The following CADM2 variants were observed in gnomAD, a reference collection of about 807,000 sequenced individuals.
CADM2 encodes the protein immunoglobulin superfamily member 4D.
Under a neutral mutation model 49.8 loss-of-function variants are expected in CADM2, and 12 were observed. The ratio of observed to expected loss-of-function variants is 0.24; its 90% CI spans 0.15 to 0.39. The LOEUF (loss-of-function observed/expected upper bound fraction) is 0.39, where lower values mean the gene tolerates loss of function less well. Ranked by LOEUF, CADM2 falls within the 10% of genes least tolerant of loss-of-function variation. The pLI is 1.00. For synonymous variants in CADM2, 214 were observed against 175.4 expected, an observed-to-expected ratio of 1.22 and a Z score of -1.74; for missense variants, 378 against 492.3, an observed-to-expected ratio of 0.77 and a Z score of 2.20.
intron 1 of CADM2, among the ~76,000 whole-genome samples, chr3:85,151,269 C>T (rs766465523): frequency 1.4e-4 from 22 of 152,012 alleles, no homozygotes; most frequent in Non-Finnish European, 2.5e-4. Context: ...CTAGCCTTTC[C>T]GTTCTACTGA....
At chr3:85,997,820 G>T (rs1284264491) in intron 8 of CADM2, among the ~76,000 whole-genome samples, 1 of 152,178 alleles carries the variant, frequency 6.6e-6, no homozygotes, top group African/African-American at 2.4e-5. Flanking sequence ...TATAGGGACA[G>T]AACTTTGGAA....
intron 3 of CADM2, among the ~76,000 whole-genome samples, chr3:85,807,741 T>C (rs1274350130): frequency 1.3e-5 from 2 of 152,190 alleles, no homozygotes; most frequent in African/African-American, 4.8e-5. Context: ...ACTTACTGTT[T>C]TGGAAAGCAC....
chr3:85,382,856 C>T (rs1194280159), intron 1 of CADM2, among the ~76,000 whole-genome samples: 2 of 151,990 alleles, frequency 1.3e-5, no homozygotes, highest in African/African-American at 2.4e-5. Context: ...AAAATTTTAT[C>T]GAAAAACTAC....
intron 3 of CADM2, among the ~76,000 whole-genome samples, chr3:85,847,535 A>T (rs975770794): frequency 1.3e-5 from 2 of 152,218 alleles, no homozygotes; most frequent in African/African-American, 2.4e-5. Context: ...AAATTACTTA[A>T]TCTTAAAAAT....
At chr3:85,333,966 T>C (rs1160803319) in intron 1 of CADM2, among the ~76,000 whole-genome samples, 1 of 151,782 alleles carries the variant, frequency 6.6e-6, no homozygotes, top group Non-Finnish European at 1.5e-5. Flanking sequence ...AGTAAAATAA[T>C]GTTTTTTAAT....
At chr3:85,571,581 T>C (rs1188134959) in intron 1 of CADM2, among the ~76,000 whole-genome samples, 1 of 152,218 alleles carries the variant, frequency 6.6e-6, no homozygotes, top group African/African-American at 2.4e-5. Context: ...GTATTATTAA[T>C]GAACATTATT....
At chr3:86,001,013 A>G (rs1730128924) in intron 8 of CADM2, among the ~76,000 whole-genome samples, 1 of 152,144 alleles carries the variant, frequency 6.6e-6, no homozygotes, top group Admixed American at 6.5e-5. Context: ...AATGCTGATA[A>G]GGGTTTAGAC....
chr3:85,431,962 G>A (rs2036701080), intron 1 of CADM2, among the ~76,000 whole-genome samples: 1 of 141,830 alleles, frequency 7.1e-6, no homozygotes, highest in Non-Finnish European at 1.5e-5. Context: ...TAGAGGAGGT[G>A]GAATCAGCTG....
chr3:85,567,471 G>C (rs1468901062), intron 1 of CADM2, among the ~76,000 whole-genome samples: 1 of 152,112 alleles, frequency 6.6e-6, no homozygotes, highest in African/African-American at 2.4e-5. Context: ...AATATGAAGA[G>C]ATTATTTTCC....
At chr3:85,676,477 T>G (rs1166106389) in intron 1 of CADM2, among the ~76,000 whole-genome samples, 2 of 151,954 alleles carry the variant, frequency 1.3e-5, no homozygotes, top group Non-Finnish European at 2.9e-5. Context: ...TTAATGTATC[T>G]TAACTTACCT....
In CADM2 at chr3:85,249,213, TCTTA is replaced by T. The variant is rs2042720783; in HGVS notation, c.61+289548_61+289551del. ...AATGTCTTCTGCCCCAAACCACATC[TCTTA>T]CTGTGACTTGTATTTAGACCAGGTA... On this transcript the variant is annotated intron_variant, in intron 1 of 9. Transcript: ENST00000383699. Among the ~76,000 whole-genome samples, 3 of 152,130 alleles carry T rather than the reference TCTTA, an allele frequency of 2.0e-5. No individual in the cohort carries two copies. In the South Asian group the frequency reaches 6.2e-4, roughly 31 times the overall value.
At chr3:85,379,354 G>A (rs1447317322) in intron 1 of CADM2, among the ~76,000 whole-genome samples, 1 of 151,870 alleles carries the variant, frequency 6.6e-6, no homozygotes, top group African/African-American at 2.4e-5. Flanking sequence ...GTAGAGTTTA[G>A]ATGAAGGTAA....
intron 1 of CADM2, among the ~76,000 whole-genome samples, chr3:85,186,046 C>G (rs1296521785): frequency 6.6e-6 from 1 of 152,142 alleles, no homozygotes; most frequent in Non-Finnish European, 1.5e-5. Flanking sequence ...CAGCACGGAA[C>G]TTGATATAGC....
At chr3:85,886,082 T>G (rs2108401073) in intron 4 of CADM2, 108 bp from the exon 5 acceptor site, 1 of 1,505,052 alleles carries the variant, frequency 6.6e-7, no homozygotes, top group South Asian at 1.3e-5. Context: ...TTGATCGAAC[T>G]TCTTGTCAAT....
intron 1 of CADM2, among the ~76,000 whole-genome samples, chr3:85,426,322 C>A (rs139813759): frequency 6.6e-6 from 1 of 151,682 alleles, no homozygotes; most frequent in Admixed American, 6.6e-5. Flanking sequence ...TTTGTAGAGA[C>A]GTTCTTATTT....
intron 8 of CADM2, among the ~76,000 whole-genome samples, chr3:85,995,485 T>A (rs1218454617): frequency 5.3e-5 from 8 of 152,140 alleles, no homozygotes; most frequent in Admixed American, 2.0e-4. Flanking sequence ...TAATTTTAAA[T>A]TCATTTGGAA....
chr3:85,946,273 T>C (rs1722677578), intron 7 of CADM2, among the ~76,000 whole-genome samples: 1 of 150,376 alleles, frequency 6.6e-6, no homozygotes, highest in African/African-American at 2.5e-5. Context: ...CTCAACTAAA[T>C]AAAAGAGGAC....
At chr3:85,854,330 G>T (rs1201083051) in intron 3 of CADM2, among the ~76,000 whole-genome samples, 1 of 152,072 alleles carries the variant, frequency 6.6e-6, no homozygotes, top group Admixed American at 6.5e-5. Flanking sequence ...ACATGCACTC[G>T]TATGTTTACT....
chr3:85,498,883 T>C (rs967814352), intron 1 of CADM2, among the ~76,000 whole-genome samples: 5 of 152,134 alleles, frequency 3.3e-5, no homozygotes, highest in African/African-American at 9.7e-5. Context: ...ACAATACATA[T>C]ACTCAGAAGG....
Sources: allele counts gnomAD v4.1 joint callset (sites outside exome capture counted in the v4.1 genomes callset), GRCh38; gene constraint gnomAD v4.1.1; transcripts MANE v1.5; gene names NCBI Gene and HGNC (gene_info 2026-07-23, HGNC 2026-07-21).